The following APBB2 variants were observed in gnomAD, a reference collection of about 807,000 sequenced individuals.
APBB2 encodes Fe65-like 1.
APBB2 carries 38 observed loss-of-function variants against 82.5 expected under a neutral mutation model. That is an observed-to-expected ratio of 0.46 (90% CI 0.36 to 0.60). The LOEUF (loss-of-function observed/expected upper bound fraction) is 0.60. Ranked by LOEUF, APBB2 falls within the 20% of genes least tolerant of loss-of-function variation. The pLI, the probability that APBB2 is intolerant of heterozygous loss-of-function variation, is 0.00. For missense variants in APBB2, 772 were observed against 972.3 expected (o/e 0.79, Z 2.74); for synonymous variants, 341 against 368.2 (o/e 0.93, Z 0.85).
chr4:40,906,301 T>C (rs761282432), intron 10 of APBB2, among the ~76,000 whole-genome samples: 2 of 150,048 alleles, frequency 1.3e-5, no homozygotes, highest in Non-Finnish European at 3.0e-5. Flanking sequence ...CAAAAAAATT[T>C]AAAAATTAGC....
chr4:40,962,249 C>T (rs1047315967), intron 6 of APBB2, among the ~76,000 whole-genome samples: 10 of 152,162 alleles, frequency 6.6e-5, no homozygotes, highest in Middle Eastern at 3.4e-3. Context: ...TTTTTTTTAA[C>T]GCTTCTCAAA....
intron 3 of APBB2, among the ~76,000 whole-genome samples, chr4:41,067,103 G>A (rs1019911284): frequency 6.6e-6 from 1 of 152,158 alleles, no homozygotes; most frequent in Non-Finnish European, 1.5e-5. Flanking sequence ...AGGAAGACAA[G>A]GAATTTAGTT....
At chr4:40,982,823 T>C (rs952541205) in intron 6 of APBB2, among the ~76,000 whole-genome samples, 3 of 152,050 alleles carry the variant, frequency 2.0e-5, no homozygotes, top group Non-Finnish European at 4.4e-5. Flanking sequence ...CAAAAGTCCT[T>C]TCACTTATCC....
chr4:41,118,460 C>A (rs962685311), intron 2 of APBB2, among the ~76,000 whole-genome samples: 2 of 152,152 alleles, frequency 1.3e-5, no homozygotes, highest in African/African-American at 2.4e-5. Flanking sequence ...GGCTAAATTA[C>A]AGCATGCAAC....
intron 6 of APBB2, among the ~76,000 whole-genome samples, chr4:40,967,216 A>G (rs780960927): frequency 7.2e-5 from 11 of 152,106 alleles, no homozygotes; most frequent in Non-Finnish European, 1.3e-4. Context: ...CTGTCACTCA[A>G]TAAAGCACCT....
chr4:40,920,472 AAC>A (rs1402645691), intron 10 of APBB2, among the ~76,000 whole-genome samples: 16 of 152,188 alleles, frequency 1.1e-4, no homozygotes, highest in Non-Finnish European at 2.2e-4. Context: ...CCATCTTTAA[AAC>A]AGTTACATGT....
intron 6 of APBB2, among the ~76,000 whole-genome samples, chr4:40,976,886 A>C (rs1797296878): frequency 6.6e-6 from 1 of 152,106 alleles, no homozygotes; most frequent in African/African-American, 2.4e-5. Context: ...CCATCCTATA[A>C]AAAATAAAAA....
intron 1 of APBB2, among the ~76,000 whole-genome samples, chr4:41,166,024 C>T (rs1327158308): frequency 6.6e-6 from 1 of 151,956 alleles, no homozygotes; most frequent in Non-Finnish European, 1.5e-5. Context: ...CAGGCGCCCG[C>T]CACCACGCCC....
At chr4:41,192,656 T>C (rs1053464609) in intron 1 of APBB2, among the ~76,000 whole-genome samples, 6 of 152,052 alleles carry the variant, frequency 3.9e-5, no homozygotes, top group Non-Finnish European at 7.4e-5. Context: ...TGGGGAAATA[T>C]AGGTTCAGAG....
At chr4:41,160,060 CG>C (rs1472622565) in intron 1 of APBB2, among the ~76,000 whole-genome samples, 1 of 150,256 alleles carries the variant, frequency 6.7e-6, no homozygotes, top group Admixed American at 6.6e-5. Context: ...TGCTGTTTTG[CG>C]GATACTGGAG....
At chr4:41,202,116 C>T (rs1223433407) in intron 1 of APBB2, among the ~76,000 whole-genome samples, 2 of 152,214 alleles carry the variant, frequency 1.3e-5, no homozygotes, top group South Asian at 2.1e-4. Flanking sequence ...AGTTCTGCAG[C>T]ATTAAGTACA....
chr4:41,208,964 G>A (rs1054220203), intron 1 of APBB2, among the ~76,000 whole-genome samples: 1 of 152,100 alleles, frequency 6.6e-6, no homozygotes, highest in Non-Finnish European at 1.5e-5. Flanking sequence ...AAATTATATA[G>A]AAAGGGAATA....
chr4:41,013,613 T>G lies in APBB2; in HGVS notation c.805A>C (p.Ser269Arg), dbSNP rs756355613. ...TCATCCGGGGAGCTGGGTGAGGCACTGTCTTGGGACAACGTTGTCCAGCTG... is the reference window on the plus strand; with the variant it reads ...TCATCCGGGGAGCTGGGTGAGGCACGGTCTTGGGACAACGTTGTCCAGCTG... ...ESSWTTLSQDSASPSSPDETA... is the reference protein window; with the variant it reads ...ESSWTTLSQDRASPSSPDETA... The change falls in exon 6 of 18, where the codon AGT becomes CGT. Residue 269 changes from serine to arginine, a missense_variant. Physicochemically the swap from Ser to Arg is moderately radical, Grantham distance 110. Transcript: ENST00000508593. The G allele has an allele frequency of 1.9e-6, 3 of 1,614,144 alleles. No homozygotes were observed. Among genetic ancestry groups the G allele is most frequent in the Non-Finnish European group, 2.5e-6 (3 of 1,180,002 alleles).
At chr4:41,109,502 G>A (rs548327762) in intron 2 of APBB2, among the ~76,000 whole-genome samples, 11 of 151,610 alleles carry the variant, frequency 7.3e-5, no homozygotes, top group African/African-American at 2.7e-4. Flanking sequence ...ATGGAGTCTC[G>A]CTCTGTCACC....
intron 10 of APBB2, among the ~76,000 whole-genome samples, chr4:40,895,686 A>T (rs1773471783): frequency 6.6e-6 from 1 of 152,160 alleles, no homozygotes; most frequent in Non-Finnish European, 1.5e-5. Context: ...GCAGCCCACT[A>T]ACCTCTCTCC....
intron 10 of APBB2, among the ~76,000 whole-genome samples, chr4:40,923,845 G>A (rs1433117793): frequency 6.6e-6 from 1 of 152,254 alleles, no homozygotes; most frequent in East Asian, 1.9e-4. Flanking sequence ...TCAGGCAAGT[G>A]TAGTGACCAG....
At chr4:41,030,870 C>G (rs1532971) in intron 5 of APBB2, among the ~76,000 whole-genome samples, 144,713 of 151,450 alleles carry the variant, frequency 0.96, 68,989 homozygotes, top group East Asian at 1. Context: ...GCTCAGAAGG[C>G]ACTCCTGAGC....
chr4:41,109,230 C>T (rs1436455144), intron 2 of APBB2, among the ~76,000 whole-genome samples: 2 of 152,016 alleles, frequency 1.3e-5, no homozygotes, highest in Admixed American at 1.3e-4. Flanking sequence ...TGCCACTGCA[C>T]TCCAGCCTAG....
intron 3 of APBB2, among the ~76,000 whole-genome samples, chr4:41,070,331 C>CA (rs1455048611): frequency 2.6e-5 from 4 of 152,018 alleles, no homozygotes; most frequent in African/African-American, 9.7e-5. Flanking sequence ...TTTTTTGAGA[C>CA]AGAGTTTCAC....
Sources: allele counts gnomAD v4.1 joint callset (sites outside exome capture counted in the v4.1 genomes callset), GRCh38; gene constraint gnomAD v4.1.1; transcripts MANE v1.5; gene names NCBI Gene and HGNC (gene_info 2026-07-23, HGNC 2026-07-21).